Variants in KCNK10 observed in about 807,000 individuals in gnomAD.
The protein encoded by KCNK10 is potassium channel subfamily K member 10.
In KCNK10, 25 loss-of-function variants were observed where a neutral mutation model predicts 47.7. That is an observed-to-expected ratio of 0.52 (90% CI 0.38 to 0.73). KCNK10 has a LOEUF of 0.73. KCNK10 is among the 30% of genes least tolerant of loss of function. The pLI is 0.00. For synonymous variants in KCNK10, 303 were observed against 285.6 expected (o/e 1.06, Z -0.61); for missense variants, 563 against 714.5 (o/e 0.79, Z 2.42).
chr14:88,232,718 T>C (rs1397175627), intron 3 of KCNK10, among the ~76,000 whole-genome samples: 1 of 152,246 alleles, frequency 6.6e-6, no homozygotes, highest in Non-Finnish European at 1.5e-5. Flanking sequence ...TCTCTAGTGT[T>C]AACACTGTAC....
chr14:88,180,664 C>T lies in KCNK10; in HGVS notation c.*4871G>A, dbSNP rs915968704. ...CAGGCACCTGTGAAAATGATAATAA[C>T]TTTCAGTAAAATCAGAGACACCTCT... On this transcript the variant is annotated 3_prime_UTR_variant, in exon 7 of 7. Transcript: ENST00000319231. 4.8e-5 allele frequency: 19 copies of T among 397,736 alleles called. No homozygotes were observed. Among genetic ancestry groups the T allele is most frequent in the Middle Eastern group, 6.2e-4 (1 of 1,608 alleles). 24.6% of individuals were successfully genotyped at this position (397,736 alleles called of 1,614,324 possible).
intron 1 of KCNK10, among the ~76,000 whole-genome samples, chr14:88,271,812 G>A (rs1887411628): frequency 1.3e-5 from 2 of 152,096 alleles, no homozygotes; most frequent in Non-Finnish European, 2.9e-5. Context: ...AGAGAACAAG[G>A]GGTTCACATG....
At chr14:88,188,359 G>A (rs1176276408) in intron 5 of KCNK10, among the ~76,000 whole-genome samples, 6 of 152,124 alleles carry the variant, frequency 3.9e-5, no homozygotes. Context: ...AATAAAAAAC[G>A]CCAGTGGCCA....
In KCNK10 at chr14:88,258,540, C is replaced by T. The variant is rs975166223; in HGVS notation, c.402+4662G>A. On this transcript the variant is annotated intron_variant, in intron 2 of 6. Coordinates refer to ENST00000319231, the MANE Select transcript of KCNK10 (RefSeq NM_138317.3). ...TCCTGACATCGTGATCCGCTTGACTCGGCCTCCCACAGTGGTGGGATTACA... is the reference window on the plus strand; with the variant it reads ...TCCTGACATCGTGATCCGCTTGACTTGGCCTCCCACAGTGGTGGGATTACA... 6.6e-5 allele frequency among the ~76,000 whole-genome samples: 10 copies of T among 152,294 alleles called. No individual in the cohort carries two copies. In the South Asian group the frequency reaches 1.0e-3, roughly 16 times the overall value.
intron 1 of KCNK10, among the ~76,000 whole-genome samples, chr14:88,271,198 A>G (rs751401506): frequency 2.6e-5 from 4 of 152,128 alleles, no homozygotes; most frequent in Admixed American, 6.5e-5. Flanking sequence ...TTGTGTCTCA[A>G]TATGAAGTTT....
At chr14:88,302,947 C>G (rs1224792091) in intron 1 of KCNK10, among the ~76,000 whole-genome samples, 1 of 152,168 alleles carries the variant, frequency 6.6e-6, no homozygotes. Flanking sequence ...GTCCCATTCA[C>G]AGACTCAGGG....
chr14:88,205,167 T>C (rs1489805077), intron 4 of KCNK10, among the ~76,000 whole-genome samples: 1 of 152,252 alleles, frequency 6.6e-6, no homozygotes, highest in Non-Finnish European at 1.5e-5. Flanking sequence ...ATTGGCTTCT[T>C]CCACGCAGCA....
chr14:88,252,597 T>G (rs1595106216), intron 2 of KCNK10, among the ~76,000 whole-genome samples: 1 of 152,134 alleles, frequency 6.6e-6, no homozygotes, highest in Non-Finnish European at 1.5e-5. Flanking sequence ...AATAGCAGCT[T>G]TGGTTGCCAT....
chr14:88,264,065 GA>G (rs1385648529), intron 1 of KCNK10, among the ~76,000 whole-genome samples: 2 of 152,004 alleles, frequency 1.3e-5, no homozygotes, highest in African/African-American at 4.8e-5. Context: ...CAAAACAAAG[GA>G]AAAAAGGATG....
intron 4 of KCNK10, among the ~76,000 whole-genome samples, chr14:88,204,770 A>G (rs7152911): frequency 0.48 from 72,283 of 151,906 alleles, 17,683 homozygotes; most frequent in Non-Finnish European, 0.54. Context: ...CAGCAAAATT[A>G]AGAGAAAGGT....
intron 1 of KCNK10, among the ~76,000 whole-genome samples, chr14:88,273,866 C>T (rs1887465048): frequency 1.3e-5 from 2 of 152,170 alleles, no homozygotes. Flanking sequence ...CAGGAAAGAC[C>T]TTTATCCTCC....
chr14:88,244,188 A>G (rs1171326998), intron 2 of KCNK10, among the ~76,000 whole-genome samples: 2 of 152,162 alleles, frequency 1.3e-5, no homozygotes, highest in African/African-American at 4.8e-5. Flanking sequence ...CCAGAATTCA[A>G]ATGAATCAGC....
intron 2 of KCNK10, among the ~76,000 whole-genome samples, chr14:88,259,918 C>T (rs1275511393): frequency 6.6e-6 from 1 of 152,096 alleles, no homozygotes; most frequent in African/African-American, 2.4e-5. Flanking sequence ...TGAGTGAGTT[C>T]TCATGAAATC....
chr14:88,206,872 A>G (rs1005848939), intron 4 of KCNK10, among the ~76,000 whole-genome samples: 1 of 152,258 alleles, frequency 6.6e-6, no homozygotes, highest in African/African-American at 2.4e-5. Context: ...ATTCATAAAT[A>G]TATGCTATAA....
intron 1 of KCNK10, among the ~76,000 whole-genome samples, chr14:88,292,919 C>T (rs111528852): frequency 3.3e-5 from 5 of 152,146 alleles, no homozygotes; most frequent in African/African-American, 4.8e-5. Flanking sequence ...CCACCTCACC[C>T]GGCTGAAAGA....
At chr14:88,245,716 G>T (rs1241913268) in intron 2 of KCNK10, among the ~76,000 whole-genome samples, 4 of 152,170 alleles carry the variant, frequency 2.6e-5, no homozygotes, top group Admixed American at 2.0e-4. Flanking sequence ...GTAATCTCTT[G>T]GTTGTCTCAG....
intron 1 of KCNK10, among the ~76,000 whole-genome samples, chr14:88,287,677 GTGTGTGTGTGTGTGTGTGT>G (rs1887792683): frequency 2.7e-5 from 1 of 36,902 alleles, no homozygotes. Context: ...ATTCCATGGT[GTGTGTGTGTGTGTGTGTGT>G]GTGTGTGTGT....
At chr14:88,296,001 C>T (rs1385755874) in intron 1 of KCNK10, among the ~76,000 whole-genome samples, 1 of 152,198 alleles carries the variant, frequency 6.6e-6, no homozygotes, top group Non-Finnish European at 1.5e-5. Flanking sequence ...GCCTGCTGGG[C>T]AACCATCCCC....
intron 4 of KCNK10, among the ~76,000 whole-genome samples, chr14:88,225,327 G>T (rs529495885): frequency 1.4e-4 from 22 of 152,308 alleles, no homozygotes; most frequent in Non-Finnish European, 1.5e-5. Context: ...TCAATAATAT[G>T]CAACTGTCTC....
Sources: allele counts gnomAD v4.1 joint callset (sites outside exome capture counted in the v4.1 genomes callset), GRCh38; gene constraint gnomAD v4.1.1; transcripts MANE v1.5; gene names NCBI Gene and HGNC (gene_info 2026-07-23, HGNC 2026-07-21).